Variants in ASTN2 observed in about 807,000 individuals in gnomAD.
ASTN2 encodes the protein astrotactin-2.
ASTN2 carries 54 observed loss-of-function variants against 139.8 expected under a neutral mutation model. The observed-to-expected ratio is 0.39, with a 90% CI of 0.31 to 0.48. ASTN2 has a LOEUF of 0.48. Among genes scored for constraint, ASTN2 ranks in the 20% least tolerant of loss-of-function variants. The pLI is 0.95. For missense variants in ASTN2, 1,565 were observed against 1,725.1 expected (o/e 0.91, Z 1.64); for synonymous variants, 756 against 719.5 (o/e 1.05, Z -0.81).
At chr9:116,551,515 G>T (rs935288585) in intron 19 of ASTN2, among the ~76,000 whole-genome samples, 2 of 152,142 alleles carry the variant, frequency 1.3e-5, no homozygotes, top group Non-Finnish European at 2.9e-5. Context: ...GACTCCTTGG[G>T]ACTCAGTTCT....
intron 11 of ASTN2, among the ~76,000 whole-genome samples, chr9:116,831,331 T>G (rs960278969): frequency 6.6e-6 from 1 of 152,192 alleles, no homozygotes; most frequent in Non-Finnish European, 1.5e-5. Flanking sequence ...GAAAGAGACC[T>G]GCTTATACCC....
chr9:116,663,093 A>C (rs747758137), intron 16 of ASTN2, among the ~76,000 whole-genome samples: 1 of 152,176 alleles, frequency 6.6e-6, no homozygotes, highest in Non-Finnish European at 1.5e-5. Flanking sequence ...GTTCCTTCCC[A>C]ATTCCTTCCT....
intron 16 of ASTN2, among the ~76,000 whole-genome samples, chr9:116,672,712 A>G (rs529521898): frequency 6.6e-6 from 1 of 152,342 alleles, no homozygotes; most frequent in South Asian, 2.1e-4. Context: ...AGGCTAAGTT[A>G]GTTGTCCAAA....
Position 117,414,807 on chromosome 9 carries a change from C to T in ASTN2, c.132G>A (p.Pro44=). Residue 44 remains proline, a synonymous_variant, in exon 1 of 23, where the codon CCG becomes CCA. Coordinates refer to ENST00000313400, the MANE Select transcript of ASTN2 (RefSeq NM_001365068.1). This position sits in a 1 kb window ranked among gnomAD's most constrained non-coding sequence, Gnocchi z 4.2. Reference sequence around the variant, plus strand: ...CGGTGGCGCCGGCCAGCAGCGGCGGCGGCGGCAGCAGGAGCAGGAACAGCA... The same window carrying T: ...CGGTGGCGCCGGCCAGCAGCGGCGGTGGCGGCAGCAGGAGCAGGAACAGCA... The part of the protein sequence containing the change: ...LLLLFLLLLP[P]PPLLAGATAA... The T allele has an allele frequency of 1.6e-6, 2 of 1,226,728 alleles. No homozygotes were observed. The highest frequency in any genetic ancestry group is 4.4e-5 in the Admixed American group (1 of 22,910). 76.0% of individuals were successfully genotyped at this position (1,226,728 alleles called of 1,614,324 possible). A position where few individuals can be genotyped will look rare whatever the true frequency, so the allele number is the denominator to read the frequency against.
intron 22 of ASTN2, among the ~76,000 whole-genome samples, chr9:116,428,505 C>G (rs1303978262): frequency 6.8e-6 from 1 of 147,832 alleles, no homozygotes; most frequent in African/African-American, 2.5e-5. Context: ...GCCTGGGCAA[C>G]AAGAGCAAAA....
chr9:117,047,479 C>T (rs1462577633), intron 5 of ASTN2, among the ~76,000 whole-genome samples: 1 of 152,062 alleles, frequency 6.6e-6, no homozygotes, highest in Non-Finnish European at 1.5e-5. Flanking sequence ...ATAGATTTGT[C>T]CTTAATAAGA....
intron 2 of ASTN2, among the ~76,000 whole-genome samples, chr9:117,258,875 G>A (rs553553423): frequency 6.6e-6 from 1 of 152,232 alleles, no homozygotes; most frequent in African/African-American, 2.4e-5. Flanking sequence ...ACACACCAAA[G>A]TAGTAGATCC....
At chr9:116,459,655 C>T (rs1848429098) in intron 20 of ASTN2, among the ~76,000 whole-genome samples, 1 of 151,968 alleles carries the variant, frequency 6.6e-6, no homozygotes, top group Non-Finnish European at 1.5e-5. Context: ...TGAAAATATG[C>T]TTGACATCAT....
intron 7 of ASTN2, among the ~76,000 whole-genome samples, chr9:116,998,232 G>A (rs1837078103): frequency 6.6e-6 from 1 of 152,102 alleles, no homozygotes; most frequent in East Asian, 1.9e-4. Flanking sequence ...TGGGTTCTGA[G>A]GATCAGAGGG....
chr9:116,502,182 A>T (rs919421749), intron 19 of ASTN2, among the ~76,000 whole-genome samples: 4 of 151,774 alleles, frequency 2.6e-5, no homozygotes, highest in East Asian at 3.9e-4. Context: ...CATGTATGTG[A>T]GAGAGAGAGA....
intron 13 of ASTN2, among the ~76,000 whole-genome samples, chr9:116,795,749 A>C (rs1246347855): frequency 6.6e-6 from 1 of 152,182 alleles, no homozygotes; most frequent in Non-Finnish European, 1.5e-5. Context: ...CTGGGGGGAA[A>C]GGAATGCAAT....
At position 116,618,306 on chromosome 9, in the gene ASTN2, G is replaced by T; in HGVS notation, c.3355+18C>A. 6.2e-7 allele frequency: 1 copy of T among 1,604,086 alleles called. No homozygotes were observed. The highest frequency in any genetic ancestry group is 1.1e-5 in the South Asian group (1 of 88,922). ...TTCTGTCATACTATCCCAAGAAAAT[G>T]GGAACTCATGTACCTACCTGTGTAC... On this transcript the variant is annotated intron_variant, in intron 19 of 22. Transcript: ENST00000313400.
At chr9:116,915,192 T>A (rs541637972) in intron 10 of ASTN2, among the ~76,000 whole-genome samples, 28 of 152,312 alleles carry the variant, frequency 1.8e-4, no homozygotes, top group African/African-American at 6.5e-4. Context: ...TGGGCTGATA[T>A]CTTAACATGT....
intron 5 of ASTN2, among the ~76,000 whole-genome samples, chr9:117,095,369 A>G (rs1828814757): frequency 1.3e-5 from 2 of 152,230 alleles, no homozygotes; most frequent in Non-Finnish European, 2.9e-5. Flanking sequence ...CACAGGTTTT[A>G]GACCTTTGTG....
At chr9:117,304,385 T>A (rs1834949398) in intron 1 of ASTN2, among the ~76,000 whole-genome samples, 1 of 152,154 alleles carries the variant, frequency 6.6e-6, no homozygotes, top group African/African-American at 2.4e-5. Context: ...CCTCCCCAAG[T>A]CTCTGAGCTT....
At position 116,571,207 on chromosome 9, in the gene ASTN2, A is replaced by G. The variant is rs147065833; in HGVS notation, c.3355+47117T>C. On this transcript the variant is annotated intron_variant, in intron 19 of 22. Coordinates refer to ENST00000313400, the MANE Select transcript of ASTN2 (RefSeq NM_001365068.1). ...GGTGGTTTCCTCTCCCTGGGGCACC[A>G]TCAGCTCCTACTGTAGCCATCAAGT... is the stretch of plus-strand genomic sequence containing the variant. Among the ~76,000 whole-genome samples, 350 of 152,254 alleles carry G rather than the reference A, an allele frequency of 2.3e-3. 1 individual carries two copies. Among genetic ancestry groups the G allele is most frequent in the Admixed American group, 9.7e-3 (148 of 15,296 alleles).
chr9:116,609,982 A>C (rs1855449682), intron 19 of ASTN2, among the ~76,000 whole-genome samples: 1 of 152,146 alleles, frequency 6.6e-6, no homozygotes, highest in Admixed American at 6.5e-5. Flanking sequence ...TAAAGTCAAC[A>C]AAGGAGATAT....
intron 16 of ASTN2, among the ~76,000 whole-genome samples, chr9:116,713,316 C>G (rs12375902): frequency 1.3e-5 from 2 of 152,080 alleles, no homozygotes; most frequent in Non-Finnish European, 2.9e-5. Flanking sequence ...AAGGAAGACC[C>G]TAAAGACAAA....
At chr9:116,888,874 C>G (rs957041742) in intron 10 of ASTN2, among the ~76,000 whole-genome samples, 1 of 152,110 alleles carries the variant, frequency 6.6e-6, no homozygotes, top group African/African-American at 2.4e-5. Context: ...CCCTCAAGGT[C>G]CCAGTGTTGT....
Sources: gnomAD v4.1 joint callset for allele counts (sites outside exome capture counted in the v4.1 genomes callset) on GRCh38, gnomAD v4.1.1 for gene constraint, Gnocchi (gnomAD v3.1) non-coding constraint, MANE v1.5 for transcripts, NCBI Gene and HGNC (gene_info 2026-07-23, HGNC 2026-07-21) for gene names.